The following TBX15 variants were observed in gnomAD, a reference collection of about 807,000 sequenced individuals.
TBX15 encodes T-box transcription factor 15, also known as T-box transcription factor TBX15.
A neutral mutation model predicts 53.9 loss-of-function variants in TBX15; 18 were observed. That is an observed-to-expected ratio of 0.33 (90% CI 0.23 to 0.49). TBX15 has a LOEUF of 0.49. TBX15 is among the 20% of genes least tolerant of loss of function. TBX15 has a pLI of 0.98. For synonymous variants in TBX15, 295 were observed against 278.0 expected (o/e 1.06, Z -0.61); for missense variants, 692 against 749.5 (o/e 0.92, Z 0.90).
At chr1:118,926,471 G>A in intron 3 of TBX15, 39 bp downstream of exon 3, 1 of 1,551,234 alleles carries the variant, frequency 6.4e-7, no homozygotes, top group Non-Finnish European at 8.9e-7. Flanking sequence ...TTGGAATGCT[G>A]GTGATACCCA....
At chr1:118,982,919 C>T (rs1174968380) in intron 1 of TBX15, among the ~76,000 whole-genome samples, 1 of 152,218 alleles carries the variant, frequency 6.6e-6, no homozygotes. Context: ...TAGTGCTCAG[C>T]AAGAAATAAC....
intron 5 of TBX15, among the ~76,000 whole-genome samples, chr1:118,919,437 A>T: frequency 6.6e-6 from 1 of 152,208 alleles, no homozygotes; most frequent in Non-Finnish European, 1.5e-5. Context: ...AGAGCCAATA[A>T]TAGTAATAAT....
intron 6 of TBX15, among the ~76,000 whole-genome samples, chr1:118,900,327 T>G (rs1654580658): frequency 6.6e-6 from 1 of 152,234 alleles, no homozygotes. Context: ...CTTGGTAATG[T>G]ATTTCCAGAG....
At chr1:118,961,633 C>G (rs1431533451) in intron 1 of TBX15, among the ~76,000 whole-genome samples, 1 of 152,244 alleles carries the variant, frequency 6.6e-6, no homozygotes, top group East Asian at 1.9e-4. Flanking sequence ...AAGTGTGAAT[C>G]CTGAGGCCTA....
rs972546055 is a variant in TBX15, at chr1:118,893,609, AAGAAAGAG to A, written c.1024+5411_1024+5418del. Among the ~76,000 whole-genome samples, 22 of 145,452 alleles carry A rather than the reference AAGAAAGAG, an allele frequency of 1.5e-4. No homozygotes were observed. In the East Asian group the frequency reaches 2.9e-3, roughly 19 times the overall value. On this transcript the variant is annotated intron_variant, in intron 7 of 7. Coordinates refer to ENST00000369429, the MANE Select transcript of TBX15 (RefSeq NM_001330677.2). The stretch of plus-strand genomic sequence containing the variant: ...AAGGAAGGAAGGAAGGAAAGAAAGA[AAGAAAGAG>A]AGAGAGAAAGAAAAAGAAAGAAAGA...
At chr1:118,906,507 G>A (rs980874140) in intron 6 of TBX15, among the ~76,000 whole-genome samples, 1 of 152,116 alleles carries the variant, frequency 6.6e-6, no homozygotes, top group Non-Finnish European at 1.5e-5. Context: ...TGTGAGAAGG[G>A]GCTGGCCCTC....
intron 7 of TBX15, among the ~76,000 whole-genome samples, chr1:118,887,414 C>T (rs1485324837): frequency 6.6e-6 from 1 of 152,178 alleles, no homozygotes; most frequent in Non-Finnish European, 1.5e-5. Context: ...CTGGCTCATG[C>T]CTGTAATCCT....
At chr1:118,922,798 T>A (rs1372717901) in intron 5 of TBX15, among the ~76,000 whole-genome samples, 1 of 152,210 alleles carries the variant, frequency 6.6e-6, no homozygotes, top group Non-Finnish European at 1.5e-5. Context: ...TAGTTTCAAC[T>A]TGGGTTACAA....
chr1:118,887,795 G>A (rs944293483), intron 7 of TBX15, among the ~76,000 whole-genome samples: 8 of 151,636 alleles, frequency 5.3e-5, no homozygotes, highest in Non-Finnish European at 8.8e-5. Flanking sequence ...AAGAGGAACC[G>A]AAAGTTAATT....
At chr1:118,986,484 G>A (rs1657841305) in intron 1 of TBX15, among the ~76,000 whole-genome samples, 1 of 152,286 alleles carries the variant, frequency 6.6e-6, no homozygotes, top group South Asian at 2.1e-4. Context: ...TTAGCCTCGG[G>A]AGCATGGAAA....
At chr1:118,890,890 C>G in intron 7 of TBX15, 6 of 1,304,012 alleles carry the variant, frequency 4.6e-6, no homozygotes, top group Non-Finnish European at 5.1e-6. Flanking sequence ...CCAGACTCTT[C>G]TCTCGTATAA....
At position 118,931,349 on chromosome 1, in the gene TBX15, A is replaced by G. The variant is rs17022808; in HGVS notation, c.419+270T>C. Among the ~76,000 whole-genome samples the G allele has an allele frequency of 0.04, 6,027 of 152,364 alleles. 259 individuals are homozygous for G. Among genetic ancestry groups the G allele is most frequent in the East Asian group, 0.2 (1,021 of 5,182 alleles). On this transcript the variant is annotated intron_variant, in intron 2 of 7. Coordinates refer to ENST00000369429, the MANE Select transcript of TBX15 (RefSeq NM_001330677.2). The stretch of plus-strand genomic sequence containing the variant: ...TATATATTTTGGCTGTTAAGATCCC[A>G]TGGACTTCCAATATTAGCTGAAATA...
At position 118,987,923 on chromosome 1, in the gene TBX15, G is replaced by T; in HGVS notation, c.-128C>A. On this transcript the variant is annotated 5_prime_UTR_variant, in exon 1 of 8. Transcript: ENST00000369429. ...AGGCGCGTCGGACGAGGCTGAGACTGCGGCTCGCGGGTCTCTCCACCCTCC... is the reference window on the plus strand; with the variant it reads ...AGGCGCGTCGGACGAGGCTGAGACTTCGGCTCGCGGGTCTCTCCACCCTCC... 1 of 1,191,226 alleles carries T rather than the reference G, an allele frequency of 8.4e-7. No homozygotes were observed. Among genetic ancestry groups the T allele is most frequent in the Non-Finnish European group, 1.2e-6 (1 of 860,674 alleles). 73.8% of individuals were successfully genotyped at this position (1,191,226 alleles called of 1,614,324 possible). A position where few individuals can be genotyped will look rare whatever the true frequency, so the allele number is the denominator to read the frequency against.
chr1:118,940,527 C>T (rs1325450120), intron 1 of TBX15, among the ~76,000 whole-genome samples: 7 of 151,678 alleles, frequency 4.6e-5, no homozygotes. Context: ...TGAAGTGGGC[C>T]CTACTTGTGC....
intron 6 of TBX15, among the ~76,000 whole-genome samples, chr1:118,909,662 A>C (rs1165526324): frequency 6.6e-6 from 1 of 152,154 alleles, no homozygotes; most frequent in African/African-American, 2.4e-5. Flanking sequence ...GGCTCACTGC[A>C]ACCTCCACCT....
At chr1:118,890,974 C>A (rs1334854281) in intron 7 of TBX15, 1 of 1,301,522 alleles carries the variant, frequency 7.7e-7, no homozygotes, top group East Asian at 5.6e-5. Flanking sequence ...GGCTTTCAAA[C>A]AGGTAAAAGG....
chr1:118,926,630 C>T lies in TBX15; in HGVS notation c.420-19G>A, dbSNP rs1478338012. 1 of 1,601,006 alleles carries T rather than the reference C, an allele frequency of 6.2e-7. No homozygotes were observed. Among genetic ancestry groups the T allele is most frequent in the East Asian group, 2.2e-5 (1 of 44,784 alleles). ...CATCCTCCTATGAAGATGAATAAAA[C>T]AGAAAGCTCAGAAATCAGGGTGGGA... On this transcript the variant is annotated intron_variant, in intron 2 of 7. Transcript: ENST00000369429.
At chr1:118,984,792 C>A (rs1053792644) in intron 1 of TBX15, among the ~76,000 whole-genome samples, 1 of 152,152 alleles carries the variant, frequency 6.6e-6, no homozygotes, top group Non-Finnish European at 1.5e-5. Flanking sequence ...GAAACGCTTT[C>A]GAAATACATA....
At chr1:118,907,633 C>G (rs143736022) in intron 6 of TBX15, among the ~76,000 whole-genome samples, 85 of 152,278 alleles carry the variant, frequency 5.6e-4, no homozygotes, top group African/African-American at 1.9e-3. Flanking sequence ...GTGGACTCTC[C>G]AGGTATGTGT....
Sources: allele counts gnomAD v4.1 joint callset (sites outside exome capture counted in the v4.1 genomes callset), GRCh38; gene constraint gnomAD v4.1.1; transcripts MANE v1.5; gene names NCBI Gene and HGNC (gene_info 2026-07-23, HGNC 2026-07-21).